Variants in DDX60L observed in about 807,000 individuals in gnomAD.
DDX60L encodes the protein DExD/H-box 60 like.
A neutral mutation model predicts 211.6 loss-of-function variants in DDX60L; 191 were observed. The observed-to-expected ratio is 0.90, with a 90% CI of 0.80 to 1.02. DDX60L has a LOEUF of 1.02. Among genes scored for constraint, DDX60L ranks in the 50% least tolerant of loss-of-function variants. The probability of loss-of-function intolerance (pLI) is 0.00; values close to 1 mark genes in which losing one functional copy is unlikely to be tolerated. For synonymous variants in DDX60L, 706 were observed against 694.1 expected (o/e 1.02, Z -0.27); for missense variants, 2,007 against 1,984.1 (o/e 1.01, Z -0.22).
intron 26 of DDX60L, 94 bp downstream of exon 26, chr4:168,400,732 C>T (rs1465913690): frequency 2.7e-6 from 3 of 1,130,470 alleles, no homozygotes; most frequent in African/African-American, 3.2e-5. Context: ...ACAAGAACCT[C>T]TTTGTGGCTC....
At position 168,356,888 on chromosome 4, in the gene DDX60L, G is replaced by A. The variant is rs988195477; in HGVS notation, c.*1259C>T. On this transcript the variant is annotated 3_prime_UTR_variant, in exon 38 of 38. Coordinates refer to ENST00000682922, the MANE Select transcript of DDX60L (RefSeq NM_001012967.3). ...TACAAAATTCACTTGAGGTTTTCTG[G>A]TTGAAACTTTCAATAGCTTTAAGAA... 5 of 152,150 alleles carry A rather than the reference G, an allele frequency of 3.3e-5. No homozygotes were observed. Among genetic ancestry groups the A allele is most frequent in the African/African-American group, 1.2e-4 (5 of 41,434 alleles). The allele number at this position is 152,150 out of a possible 1,614,324, so 9.4% of individuals were successfully genotyped here. A position where few individuals can be genotyped will look rare whatever the true frequency, so the allele number is the denominator to read the frequency against.
chr4:168,384,605 A>T lies in DDX60L; in HGVS notation c.4116+7T>A, dbSNP rs993142895. On this transcript the variant is annotated splice_region_variant and intron_variant, in intron 30 of 37. Transcript: ENST00000682922. Reference sequence around the variant, plus strand: ...GACTGAACCTCAGGCAGTGTCCAGCACGGTACCTTTGCCTTGGCATCCTCT... The same window carrying T: ...GACTGAACCTCAGGCAGTGTCCAGCTCGGTACCTTTGCCTTGGCATCCTCT... 2.5e-6 allele frequency: 4 copies of T among 1,613,716 alleles called. No homozygotes were observed. The African/African-American group carries it at 4.0e-5, about 16-fold the overall frequency.
In DDX60L at chr4:168,409,250, C is replaced by T. The variant is rs148477387; in HGVS notation, c.2980-2544G>A. Among the ~76,000 whole-genome samples the T allele has an allele frequency of 2.6e-3, 395 of 152,240 alleles. 1 individual carries two copies. The highest frequency in any genetic ancestry group is 8.8e-3 in the African/African-American group (366 of 41,532). On this transcript the variant is annotated intron_variant, in intron 22 of 37. Transcript: ENST00000682922. ...CAGCTCTGCAGAAGTCATACAGGGT[C>T]AGAACACACTGTAATGGTTCTGTTG...
At chr4:168,438,870 T>G (rs1005699585) in intron 10 of DDX60L, among the ~76,000 whole-genome samples, 8 of 152,254 alleles carry the variant, frequency 5.3e-5, no homozygotes, top group Non-Finnish European at 7.3e-5. Context: ...TATTTTGTCT[T>G]GAAAATACGT....
chr4:168,380,065 T>G, intron 30 of DDX60L: 1 of 354,422 alleles, frequency 2.8e-6, no homozygotes, highest in Non-Finnish European at 5.1e-6. Flanking sequence ...GACTGGCAAA[T>G]AATCTGCTAA....
chr4:168,382,044 G>A (rs1392180032), intron 30 of DDX60L, among the ~76,000 whole-genome samples: 3 of 152,116 alleles, frequency 2.0e-5, no homozygotes, highest in East Asian at 1.9e-4. Flanking sequence ...AGGGTTCTGG[G>A]AAGACTCTTT....
At position 168,472,811 on chromosome 4, in the gene DDX60L, T is replaced by C; in HGVS notation, c.-110-2A>G. On this transcript the variant is annotated splice_acceptor_variant, in intron 1 of 37. Transcript: ENST00000682922. LOFTEE classifies it low-confidence loss of function (5UTR_SPLICE). Reference sequence around the variant, plus strand: ...CTACATTTGATGTGAATGGCACCTCTGTAATAAAAGAAAAAATAGAACTGC... The same window carrying C: ...CTACATTTGATGTGAATGGCACCTCCGTAATAAAAGAAAAAATAGAACTGC... 8.7e-7 allele frequency: 1 copy of C among 1,149,252 alleles called. No individual in the cohort carries two copies. The highest frequency in any genetic ancestry group is 1.2e-6 in the Non-Finnish European group (1 of 820,186). The allele number at this position is 1,149,252 out of a possible 1,614,324, so 71.2% of individuals were successfully genotyped here. A position where few individuals can be genotyped will look rare whatever the true frequency, so the allele number is the denominator to read the frequency against.
chr4:168,435,808 C>G (rs778960946), intron 10 of DDX60L, among the ~76,000 whole-genome samples: 2 of 152,076 alleles, frequency 1.3e-5, no homozygotes, highest in Non-Finnish European at 2.9e-5. Context: ...TTACGCTGCT[C>G]GGATCTAGTG....
intron 33 of DDX60L, chr4:168,377,823 G>A (rs1037901821): frequency 1.3e-5 from 2 of 152,046 alleles, no homozygotes; most frequent in African/African-American, 4.8e-5. Context: ...CTGTTTGCTT[G>A]TTATTATTTT....
chr4:168,387,610 A>G (rs1744126859), intron 29 of DDX60L, among the ~76,000 whole-genome samples: 1 of 152,216 alleles, frequency 6.6e-6, no homozygotes, highest in Non-Finnish European at 1.5e-5. Flanking sequence ...TAACACTCTT[A>G]TAATAGCCCT....
intron 29 of DDX60L, chr4:168,390,539 GA>G (rs759740479): frequency 7.3e-7 from 1 of 1,372,236 alleles, no homozygotes; most frequent in South Asian, 1.7e-5. Context: ...ATCTAAATTT[GA>G]ATAAGAAAAG....
chr4:168,378,318 T>C, intron 33 of DDX60L, 36 bp downstream of exon 33: 1 of 1,193,560 alleles, frequency 8.4e-7, no homozygotes. Flanking sequence ...TTAATAACTA[T>C]CATTATTATA....
At position 168,462,012 on chromosome 4, in the gene DDX60L, G is replaced by C; in HGVS notation, c.293C>G (p.Pro98Arg). Reference sequence around the variant, plus strand: ...AGCGGTCCTCAATGAAAGAAGTTCAGGAAAATCAAAATATGCATATTCAGC... The same window carrying C: ...AGCGGTCCTCAATGAAAGAAGTTCACGAAAATCAAAATATGCATATTCAGC... ...KDAEYAYFDF[P>R]ELLSLRTALI... The change falls in exon 5 of 38, where the codon CCT (proline) becomes CGT (arginine). Residue 98 changes from proline (P) to arginine (R), a missense_variant. Coordinates refer to ENST00000682922, the MANE Select transcript of DDX60L (RefSeq NM_001012967.3). The C allele has an allele frequency of 6.2e-7, 1 of 1,608,058 alleles. No homozygotes were observed. Among genetic ancestry groups the C allele is most frequent in the Non-Finnish European group, 8.5e-7 (1 of 1,176,264 alleles).
intron 37 of DDX60L, among the ~76,000 whole-genome samples, chr4:168,359,777 T>C (rs553847017): frequency 6.6e-6 from 1 of 152,256 alleles, no homozygotes; most frequent in South Asian, 2.1e-4. Context: ...ACAACCAAAT[T>C]CCTTTCAAAG....
chr4:168,443,336 A>G (rs1160927127), intron 9 of DDX60L, among the ~76,000 whole-genome samples: 1 of 152,014 alleles, frequency 6.6e-6, no homozygotes, highest in Non-Finnish European at 1.5e-5. Context: ...AAAAAAGAAT[A>G]AAAAGAAATG....
In DDX60L at chr4:168,420,264, A is replaced by T; in HGVS notation, c.2511T>A (p.Cys837Ter). The T allele has an allele frequency of 1.3e-6, 2 of 1,585,846 alleles. No individual in the cohort carries two copies. The highest frequency in any genetic ancestry group is 1.7e-6 in the Non-Finnish European group (2 of 1,168,296). Residue 837 changes from cysteine (C) to a stop codon, truncating the protein, a stop_gained, in exon 18 of 38, where the codon TGT (cysteine) becomes TGA (stop). Transcript: ENST00000682922. LOFTEE classifies it high-confidence loss of function. ...CTCATTAATTAATATGTCATACCTG[A>T]CAGTTTAGTACATTGTGACAATAAT... is the stretch of plus-strand genomic sequence containing the variant. The part of the protein sequence containing the change: ...TRDYCHNVLN[C>*]QVLITVPECF...
At chr4:168,478,112 G>A (rs796584846) in intron 1 of DDX60L, among the ~76,000 whole-genome samples, 3 of 151,934 alleles carry the variant, frequency 2.0e-5, no homozygotes, top group African/African-American at 7.2e-5. Flanking sequence ...GGGGAAAAGA[G>A]GAGAAGAAGG....
intron 30 of DDX60L, among the ~76,000 whole-genome samples, chr4:168,381,989 C>T (rs931093448): frequency 2.6e-5 from 4 of 152,064 alleles, no homozygotes; most frequent in Non-Finnish European, 5.9e-5. Context: ...AACTGGGTGT[C>T]GCTGTTCTCT....
At chr4:168,430,187 G>A (rs1486783251) in intron 13 of DDX60L, among the ~76,000 whole-genome samples, 1 of 152,002 alleles carries the variant, frequency 6.6e-6, no homozygotes, top group Non-Finnish European at 1.5e-5. Flanking sequence ...CAACAAGAGC[G>A]AAACTCCATC....
Sources: gnomAD v4.1 joint callset for allele counts (sites outside exome capture counted in the v4.1 genomes callset) on GRCh38, gnomAD v4.1.1 for gene constraint, MANE v1.5 for transcripts, NCBI Gene and HGNC (gene_info 2026-07-23, HGNC 2026-07-21) for gene names.